METAP1: variants seen among roughly 807,000 people sequenced by gnomAD.
The protein encoded by METAP1 is methionine aminopeptidase 1.
In METAP1, 28 loss-of-function variants were observed where a neutral mutation model predicts 53.8. That is an observed-to-expected ratio of 0.52 (90% CI 0.39 to 0.71). The LOEUF (loss-of-function observed/expected upper bound fraction) is 0.71, where lower values mean the gene tolerates loss of function less well. METAP1 is among the 30% of genes least tolerant of loss of function. The probability of loss-of-function intolerance (pLI) is 0.00; values close to 1 mark genes in which losing one functional copy is unlikely to be tolerated. For missense variants in METAP1, 389 were observed against 479.8 expected (o/e 0.81, Z 1.77); for synonymous variants, 181 against 165.7 (o/e 1.09, Z -0.71).
At chr4:99,039,220 T>C (rs1725667515) in intron 4 of METAP1, 154 bp from the exon 5 acceptor site, 4 of 458,906 alleles carry the variant, frequency 8.7e-6, no homozygotes, top group Non-Finnish European at 1.5e-5. Context: ...AAAATGTTTT[T>C]TTTTAAAAAT....
chr4:99,002,880 A>G lies in METAP1; in HGVS notation c.114+7013A>G, dbSNP rs183871203. Among the ~76,000 whole-genome samples the G allele has an allele frequency of 3.0e-4, 46 of 152,248 alleles. No individual in the cohort carries two copies. The East Asian group carries it at 8.5e-3, about 28-fold the overall frequency. On this transcript the variant is annotated intron_variant, in intron 1 of 10. Transcript: ENST00000296411. ...TCTTGCTACGAGATCAGCCTGGTCA[A>G]CATGGGGAAACCCCGTTTCTACTGA... is the stretch of plus-strand genomic sequence containing the variant.
At chr4:99,001,357 A>T (rs1254637409) in intron 1 of METAP1, among the ~76,000 whole-genome samples, 1 of 152,242 alleles carries the variant, frequency 6.6e-6, no homozygotes, top group Non-Finnish European at 1.5e-5. Context: ...AACAAAAATA[A>T]TTTCATAAAT....
chr4:99,055,255 G>A (rs946202987), intron 9 of METAP1, among the ~76,000 whole-genome samples: 2 of 152,026 alleles, frequency 1.3e-5, no homozygotes, highest in African/African-American at 4.8e-5. Flanking sequence ...GCCGGCCATG[G>A]TGCATGCAAC....
intron 10 of METAP1, among the ~76,000 whole-genome samples, chr4:99,060,481 A>G (rs549188936): frequency 1.0e-3 from 153 of 148,232 alleles, no homozygotes; most frequent in Admixed American, 2.7e-3. Context: ...CTTCTGACTC[A>G]GCTTCCCGAG....
At chr4:99,010,241 C>T (rs2110285471) in intron 1 of METAP1, among the ~76,000 whole-genome samples, 1 of 152,228 alleles carries the variant, frequency 6.6e-6, no homozygotes, top group African/African-American at 2.4e-5. Flanking sequence ...ATTGCTTGAG[C>T]CCAGGAATTC....
intron 1 of METAP1, among the ~76,000 whole-genome samples, chr4:99,015,408 C>G (rs1723702010): frequency 6.6e-6 from 1 of 152,072 alleles, no homozygotes; most frequent in Non-Finnish European, 1.5e-5. Flanking sequence ...TGACATTTGC[C>G]CAATACCGTA....
intron 1 of METAP1, among the ~76,000 whole-genome samples, chr4:99,016,396 T>C (rs2110295586): frequency 6.6e-6 from 1 of 152,314 alleles, no homozygotes. Context: ...ATTCATTCTT[T>C]CTACTCTCCT....
intron 8 of METAP1, among the ~76,000 whole-genome samples, chr4:99,048,460 C>T (rs769953993): frequency 5.9e-5 from 9 of 152,142 alleles, no homozygotes; most frequent in Non-Finnish European, 7.4e-5. Context: ...CTTGACCTCC[C>T]GGGTTCTAGT....
chr4:99,034,241 G>T lies in METAP1; in HGVS notation c.178G>T (p.Ala60Ser). 4 of 1,548,362 alleles carry T rather than the reference G, an allele frequency of 2.6e-6. No individual in the cohort carries two copies. Among genetic ancestry groups the T allele is most frequent in the Non-Finnish European group, 3.5e-6 (4 of 1,143,960 alleles). The change falls in exon 3 of 11, where the codon GCG (alanine) becomes TCG (serine). Residue 60 changes from alanine (A) to serine (S), a missense_variant. By Grantham distance (99) the Ala-to-Ser change is moderately conservative. Coordinates refer to ENST00000296411, the MANE Select transcript of METAP1 (RefSeq NM_015143.3). ...LLHKKAKDEK[A>S]KREVSSWTVE... is the part of the protein sequence containing the mutation. ...CCTCCGTCTCCCAGAAGATGAAAAGGCGAAGCGAGAAGTGTCTTCCTGGAC... is the reference window on the plus strand; with the variant it reads ...CCTCCGTCTCCCAGAAGATGAAAAGTCGAAGCGAGAAGTGTCTTCCTGGAC...
chr4:99,023,273 T>C, intron 1 of METAP1: 1 of 431,946 alleles, frequency 2.3e-6, no homozygotes, highest in Non-Finnish European at 3.5e-6. Flanking sequence ...AGTAATGCTA[T>C]AGTGAGCATT....
chr4:99,004,484 TAC>T (rs145601239), intron 1 of METAP1, among the ~76,000 whole-genome samples: 9,533 of 75,240 alleles, frequency 0.13, 770 homozygotes, highest in African/African-American at 0.27. Flanking sequence ...CACACACACA[TAC>T]ACACACACAC....
chr4:99,025,142 A>G (rs1724470800), intron 1 of METAP1, among the ~76,000 whole-genome samples: 1 of 152,210 alleles, frequency 6.6e-6, no homozygotes, highest in African/African-American at 2.4e-5. Context: ...GGTTCCTAAC[A>G]GGCCACTGAC....
chr4:99,025,161 G>T (rs1395269312), intron 1 of METAP1, among the ~76,000 whole-genome samples: 1 of 152,218 alleles, frequency 6.6e-6, no homozygotes, highest in Non-Finnish European at 1.5e-5. Context: ...ACCAGTAGCA[G>T]TCCATGGCCT....
At chr4:99,010,122 T>A (rs1288857998) in intron 1 of METAP1, among the ~76,000 whole-genome samples, 5 of 152,216 alleles carry the variant, frequency 3.3e-5, no homozygotes, top group African/African-American at 9.6e-5. Flanking sequence ...ACAGTGTTTA[T>A]TGAAGAGACT....
intron 1 of METAP1, among the ~76,000 whole-genome samples, chr4:99,012,062 C>A (rs972936816): frequency 2.1e-4 from 32 of 152,014 alleles, no homozygotes; most frequent in Admixed American, 2.1e-3. Flanking sequence ...ACTTTCTTTT[C>A]ATTGTTTTTA....
At chr4:98,997,236 C>CA (rs1165863419) in intron 1 of METAP1, among the ~76,000 whole-genome samples, 2 of 152,160 alleles carry the variant, frequency 1.3e-5, no homozygotes, top group Non-Finnish European at 2.9e-5. Context: ...CTTTACGTCA[C>CA]AATATTTGTA....
intron 1 of METAP1, among the ~76,000 whole-genome samples, chr4:99,015,009 G>A (rs1723675052): frequency 6.6e-6 from 1 of 152,190 alleles, no homozygotes; most frequent in Non-Finnish European, 1.5e-5. Flanking sequence ...AGCTTGGCAA[G>A]ATTCATCATT....
intron 1 of METAP1, chr4:99,023,177 A>AAT: frequency 1.8e-6 from 1 of 566,112 alleles, no homozygotes; most frequent in Non-Finnish European, 2.9e-6. Flanking sequence ...ACTTCTAATG[A>AAT]CTGCATAGAT....
chr4:99,059,548 T>C (rs1198162945), intron 10 of METAP1, among the ~76,000 whole-genome samples: 2 of 152,236 alleles, frequency 1.3e-5, no homozygotes, highest in East Asian at 3.8e-4. Context: ...AGAGGTAATA[T>C]GTTTCACCTA....
Sources: allele counts gnomAD v4.1 joint callset (sites outside exome capture counted in the v4.1 genomes callset), GRCh38; gene constraint gnomAD v4.1.1; transcripts MANE v1.5; gene names NCBI Gene and HGNC (gene_info 2026-07-23, HGNC 2026-07-21).